Variants in FER observed in about 807,000 individuals in gnomAD.
FER encodes the protein tyrosine-protein kinase Fer.
In FER, 63 loss-of-function variants were observed where a neutral mutation model predicts 111.0. The observed-to-expected ratio is 0.57, with a 90% CI of 0.46 to 0.70. The LOEUF (loss-of-function observed/expected upper bound fraction) is 0.70. Ranked by LOEUF, FER falls within the 30% of genes least tolerant of loss-of-function variation. The pLI, the probability that FER is intolerant of heterozygous loss-of-function variation, is 0.00. For missense variants in FER, 914 were observed against 954.0 expected (o/e 0.96, Z 0.55); for synonymous variants, 327 against 313.9 (o/e 1.04, Z -0.44).
intron 10 of FER, among the ~76,000 whole-genome samples, chr5:108,942,223 A>G (rs1201393357): frequency 1.3e-5 from 2 of 152,160 alleles, no homozygotes; most frequent in Non-Finnish European, 2.9e-5. Flanking sequence ...CCCTAGAGAC[A>G]TCTTATTTAA....
Position 108,903,183 on chromosome 5 carries a change from C to CTAGTCTGTATGA in FER, c.1236+5338_1236+5349dup, listed in dbSNP as rs1203522272. On this transcript the variant is annotated intron_variant, in intron 10 of 19. Transcript: ENST00000281092. The stretch of plus-strand genomic sequence containing the variant: ...ATTTCTACTTTATAAATGTAATTAG[C>CTAGTCTGTATGA]TAGTCTGTATGATAATTGCCTTTGT... 2.6e-5 allele frequency among the ~76,000 whole-genome samples: 4 copies of CTAGTCTGTATGA among 152,168 alleles called. No individual in the cohort carries two copies. The East Asian group carries it at 7.7e-4, about 29-fold the overall frequency.
In FER at chr5:109,168,660, T is replaced by C. The variant is rs141880638; in HGVS notation, c.2049-12087T>C. Among the ~76,000 whole-genome samples, 270 of 152,276 alleles carry C rather than the reference T, an allele frequency of 1.8e-3. 1 individual carries two copies. Among genetic ancestry groups the C allele is most frequent in the African/African-American group, 5.7e-3 (239 of 41,566 alleles). ...ATAAACTGGCATGTATAAAAAATAT[T>C]TTGAATAATCTAAAAGGCCTACTAC... On this transcript the variant is annotated intron_variant, in intron 17 of 19. Coordinates refer to ENST00000281092, the MANE Select transcript of FER (RefSeq NM_005246.4).
In FER at chr5:109,073,463, A is replaced by T. The variant is rs189546709; in HGVS notation, c.1924+26265A>T. 7.7e-4 allele frequency among the ~76,000 whole-genome samples: 117 copies of T among 152,230 alleles called. 2 individuals are homozygous for T. Among genetic ancestry groups the T allele is most frequent in the Non-Finnish European group, 1.5e-4 (10 of 67,982 alleles). On this transcript the variant is annotated intron_variant, in intron 16 of 19. Coordinates refer to ENST00000281092, the MANE Select transcript of FER (RefSeq NM_005246.4). ...TGAGGCTAGTGTTAGGCTGTGAATC[A>T]TTTATACCGTAATTGATCCTAGCTA... is the stretch of plus-strand genomic sequence containing the variant.
Position 108,835,073 on chromosome 5 carries a change from C to T in FER, c.382-635C>T, listed in dbSNP as rs987715168. On this transcript the variant is annotated intron_variant, in intron 4 of 19. Coordinates refer to ENST00000281092, the MANE Select transcript of FER (RefSeq NM_005246.4). ...AGGACTTGCATTTGTTTCATTGTTC[C>T]ACAGAAATAATATTTTAATGGTTTG... is the stretch of plus-strand genomic sequence containing the variant. 3.3e-5 allele frequency among the ~76,000 whole-genome samples: 5 copies of T among 151,554 alleles called. No homozygotes were observed. In the East Asian group the frequency reaches 9.7e-4, roughly 29 times the overall value.
chr5:108,778,544 C>G (rs1753732773), intron 2 of FER, among the ~76,000 whole-genome samples: 1 of 152,126 alleles, frequency 6.6e-6, no homozygotes, highest in Non-Finnish European at 1.5e-5. Context: ...GAGGTGGTGT[C>G]TCAATGTTGT....
chr5:108,889,936 TAC>T (rs1180230128), intron 9 of FER, among the ~76,000 whole-genome samples: 1 of 152,038 alleles, frequency 6.6e-6, no homozygotes, highest in East Asian at 1.9e-4. Context: ...TTAGAAATAA[TAC>T]AGAGAGATCC....
chr5:109,015,449 T>C (rs1766949188), intron 13 of FER, among the ~76,000 whole-genome samples: 1 of 152,052 alleles, frequency 6.6e-6, no homozygotes, highest in African/African-American at 2.4e-5. Flanking sequence ...ATTCCTTCTT[T>C]CATGCCACAT....
chr5:109,018,792 G>A (rs550307749), intron 13 of FER, among the ~76,000 whole-genome samples: 1 of 151,674 alleles, frequency 6.6e-6, no homozygotes, highest in East Asian at 1.9e-4. Flanking sequence ...CCTTTAGAAG[G>A]GACTTAAGTA....
At chr5:109,179,548 G>T (rs1352950148) in intron 17 of FER, among the ~76,000 whole-genome samples, 1 of 151,976 alleles carries the variant, frequency 6.6e-6, no homozygotes, top group Non-Finnish European at 1.5e-5. Flanking sequence ...AGCTCCACTT[G>T]GTTATTTGTT....
intron 13 of FER, among the ~76,000 whole-genome samples, chr5:109,001,468 T>C (rs1764761456): frequency 6.6e-6 from 1 of 152,214 alleles, no homozygotes; most frequent in South Asian, 2.1e-4. Context: ...CAATTAGGTA[T>C]TGATGGGACA....
chr5:108,862,709 G>C (rs1763647990), intron 5 of FER, among the ~76,000 whole-genome samples: 2 of 152,022 alleles, frequency 1.3e-5, no homozygotes, highest in African/African-American at 2.4e-5. Flanking sequence ...TGTGGACTGT[G>C]GAAAGTGTCT....
chr5:108,854,048 A>G (rs1031690102), intron 5 of FER, among the ~76,000 whole-genome samples: 3 of 152,218 alleles, frequency 2.0e-5, no homozygotes, highest in South Asian at 4.1e-4. Context: ...AATTCTTGTT[A>G]TTCATGGTAG....
chr5:109,187,659 A>G lies in FER; in HGVS notation c.*84A>G. The G allele has an allele frequency of 2.1e-6, 3 of 1,449,986 alleles. No individual in the cohort carries two copies. In the South Asian group the frequency reaches 3.6e-5, roughly 18 times the overall value. The allele number at this position is 1,449,986 out of a possible 1,614,324, so 89.8% of individuals were successfully genotyped here. On this transcript the variant is annotated 3_prime_UTR_variant, in exon 20 of 20. Transcript: ENST00000281092. ...TTGTTCTCATTAACAATGAATTTAT[A>G]CCACATTACCTTCGACAGTCTTCTA...
At chr5:109,134,181 T>C (rs2126593082) in intron 17 of FER, among the ~76,000 whole-genome samples, 1 of 152,170 alleles carries the variant, frequency 6.6e-6, no homozygotes, top group Middle Eastern at 3.4e-3. Context: ...AATATTCCAT[T>C]GTGTTGGTAT....
At chr5:109,017,572 G>C (rs1456705496) in intron 13 of FER, among the ~76,000 whole-genome samples, 1 of 151,928 alleles carries the variant, frequency 6.6e-6, no homozygotes, top group South Asian at 2.1e-4. Context: ...TAAGAAAAGA[G>C]ATAACTTATT....
intron 10 of FER, among the ~76,000 whole-genome samples, chr5:108,936,653 C>A (rs1357378571): frequency 2.6e-5 from 4 of 151,682 alleles, no homozygotes; most frequent in Non-Finnish European, 4.4e-5. Flanking sequence ...AAAATTAAGC[C>A]CTGGAGGTGT....
At chr5:109,130,614 T>C (rs1180896729) in intron 17 of FER, among the ~76,000 whole-genome samples, 1 of 152,170 alleles carries the variant, frequency 6.6e-6, no homozygotes, top group African/African-American at 2.4e-5. Context: ...GTGTGAAATT[T>C]GTTAATGAGG....
At chr5:108,913,007 A>G (rs532608020) in intron 10 of FER, among the ~76,000 whole-genome samples, 1 of 152,246 alleles carries the variant, frequency 6.6e-6, no homozygotes, top group East Asian at 1.9e-4. Context: ...ATCATTTATG[A>G]TATTGTTGGG....
intron 10 of FER, among the ~76,000 whole-genome samples, chr5:108,921,638 T>C (rs565457164): frequency 1.3e-5 from 2 of 152,296 alleles, no homozygotes; most frequent in Non-Finnish European, 2.9e-5. Context: ...GAGTCTTTTT[T>C]TATGAAGGTA....
Sources: allele counts gnomAD v4.1 joint callset (sites outside exome capture counted in the v4.1 genomes callset), GRCh38; gene constraint gnomAD v4.1.1; transcripts MANE v1.5; gene names NCBI Gene and HGNC (gene_info 2026-07-23, HGNC 2026-07-21).